Variants in BBS5 observed in about 807,000 individuals in gnomAD.
The protein encoded by BBS5 is Bardet-Biedl syndrome 5, also known as BBSome complex member BBS5.
BBS5 carries 39 observed loss-of-function variants against 50.2 expected under a neutral mutation model. That is an observed-to-expected ratio of 0.78 (90% CI 0.60 to 1.01). The LOEUF is 1.01. Among genes scored for constraint, BBS5 ranks in the 50% least tolerant of loss-of-function variants. The pLI is 0.00. For missense variants in BBS5, 356 were observed against 401.5 expected (o/e 0.89, Z 0.97); for synonymous variants, 134 against 133.1 (o/e 1.01, Z -0.05).
intron 2 of BBS5, among the ~76,000 whole-genome samples, chr2:169,486,803 T>G (rs1683494491): frequency 6.6e-6 from 1 of 152,200 alleles, no homozygotes; most frequent in African/African-American, 2.4e-5. Flanking sequence ...CAATTCTTTC[T>G]TCAGTCAGTT....
chr2:169,493,172 A>G (rs1490034251), intron 6 of BBS5, 163 bp downstream of exon 6: 11 of 784,320 alleles, frequency 1.4e-5, no homozygotes, highest in Admixed American at 1.1e-4. Context: ...TAACATCCCT[A>G]TTTTCTTTCA....
At chr2:169,501,810 T>TTAAA (rs1218949623) in intron 9 of BBS5, among the ~76,000 whole-genome samples, 3 of 152,192 alleles carry the variant, frequency 2.0e-5, no homozygotes, top group Non-Finnish European at 4.4e-5. Flanking sequence ...ATCATGTCCA[T>TTAAA]TAAATGCCTG....
chr2:169,482,463 A>G (rs1342682619), intron 2 of BBS5, 130 bp downstream of exon 2: 26 of 746,074 alleles, frequency 3.5e-5, no homozygotes, highest in Middle Eastern at 2.4e-4. Flanking sequence ...TTAAATTCAC[A>G]TAAGACTTTT....
Position 169,479,559 on chromosome 2 carries a change from G to A in BBS5, c.6G>A (p.Ser2=). 6.2e-7 allele frequency: 1 copy of A among 1,614,194 alleles called. No homozygotes were observed. The highest frequency in any genetic ancestry group is 8.5e-7 in the Non-Finnish European group (1 of 1,180,004). Residue 2 remains serine (S), a synonymous_variant, in exon 1 of 12, where the codon TCG becomes TCA. Coordinates refer to ENST00000295240, the MANE Select transcript of BBS5 (RefSeq NM_152384.3). Reference sequence around the variant, plus strand: ...TGCCACGGGCCTTGTTCACCATGTCGGTGCTGGATGCGCTTTGGGAGGATC... The same window carrying A: ...TGCCACGGGCCTTGTTCACCATGTCAGTGCTGGATGCGCTTTGGGAGGATC... The part of the protein sequence containing the change: M[S]VLDALWEDRD...
rs764174910 is a variant in BBS5, at chr2:169,504,731, A to G, written c.*149A>G. ...TTTTTTAATGATTGAGGAAAAAGTC[A>G]TTTAGAAAACTTCAGTTTTCGGCCA... On this transcript the variant is annotated 3_prime_UTR_variant, in exon 12 of 12. Coordinates refer to ENST00000295240, the MANE Select transcript of BBS5 (RefSeq NM_152384.3). 14 of 1,235,660 alleles carry G rather than the reference A, an allele frequency of 1.1e-5. No individual in the cohort carries two copies. Among genetic ancestry groups the G allele is most frequent in the Non-Finnish European group, 1.6e-5 (14 of 874,280 alleles). The allele number at this position is 1,235,660 out of a possible 1,614,324, so 76.5% of individuals were successfully genotyped here.
chr2:169,489,453 ACT>A lies in BBS5; in HGVS notation c.386+1342_386+1343del, dbSNP rs201664397. Among the ~76,000 whole-genome samples, 1,354 of 147,316 alleles carry A rather than the reference ACT, an allele frequency of 9.2e-3. 26 individuals carry two copies. The highest frequency in any genetic ancestry group is 0.032 in the African/African-American group (1,271 of 39,698). On this transcript the variant is annotated intron_variant, in intron 5 of 11. Coordinates refer to ENST00000295240, the MANE Select transcript of BBS5 (RefSeq NM_152384.3). ...ACTCCAGCCTGGGCAACAGAGCAAG[ACT>A]CTGTCTCAAAAAAAAAAAATTTTTT...
At chr2:169,499,656 G>C (rs1303507869) in intron 9 of BBS5, 36 bp downstream of exon 9, 1 of 1,597,796 alleles carries the variant, frequency 6.3e-7, no homozygotes, top group East Asian at 2.2e-5. Flanking sequence ...AGTTTGCATT[G>C]CTTTATGCAG....
At chr2:169,493,656 G>C in intron 6 of BBS5, 85 bp from the exon 7 acceptor site, 1 of 951,928 alleles carries the variant, frequency 1.1e-6, no homozygotes, top group South Asian at 1.3e-5. Context: ...ATTTGCTGCT[G>C]TAATAAGTTA....
chr2:169,493,816 AG>A lies in BBS5; in HGVS notation c.599del (p.Ser200IlefsTer10). ...HANMNDSFNV[S>X]IPYLQIRSIK... ...AAATATGAATGATAGTTTTAATGTC[AG>A]TATACCATATCTGCAAATTGTAAGT... is the stretch of plus-strand genomic sequence containing the variant. On this transcript the variant is annotated frameshift_variant, in exon 7 of 12. Transcript: ENST00000295240. LOFTEE classifies it high-confidence loss of function. 6.2e-7 allele frequency: 1 copy of A among 1,603,168 alleles called. No homozygotes were observed. The highest frequency in any genetic ancestry group is 8.5e-7 in the Non-Finnish European group (1 of 1,170,316).
In BBS5 at chr2:169,504,300, C is replaced by G; in HGVS notation, c.901-3C>G. ...GTGAAATAGAATTTTCTTTGTCTTA[C>G]AGGCTTATTTTGCTGATGGCAATAA... On this transcript the variant is annotated splice_polypyrimidine_tract_variant and splice_region_variant and intron_variant, in intron 10 of 11. Transcript: ENST00000295240. 1 of 1,612,668 alleles carries G rather than the reference C, an allele frequency of 6.2e-7. No homozygotes were observed. Among genetic ancestry groups the G allele is most frequent in the Non-Finnish European group, 8.5e-7 (1 of 1,178,740 alleles).
intron 7 of BBS5, among the ~76,000 whole-genome samples, chr2:169,494,136 A>G (rs1683652665): frequency 6.6e-6 from 1 of 152,220 alleles, no homozygotes; most frequent in African/African-American, 2.4e-5. Context: ...GATTCCATCC[A>G]GAGGGCTTTA....
intron 9 of BBS5, among the ~76,000 whole-genome samples, chr2:169,502,236 C>T (rs73971622): frequency 0.035 from 5,395 of 152,206 alleles, 327 homozygotes; most frequent in African/African-American, 0.12. Flanking sequence ...ATTCACTGCT[C>T]TAAGCACTTT....
chr2:169,492,658 C>T (rs79027623), intron 5 of BBS5, among the ~76,000 whole-genome samples: 3,729 of 152,212 alleles, frequency 0.024, 158 homozygotes, highest in African/African-American at 0.085. Flanking sequence ...CCAGGAGTAT[C>T]ACTTGAGCCC....
At chr2:169,487,641 ATTAT>A (rs561341167) in intron 3 of BBS5, 161 bp from the exon 4 acceptor site, 15 of 494,332 alleles carry the variant, frequency 3.0e-5, no homozygotes, top group Non-Finnish European at 5.3e-5. Flanking sequence ...AGTTTTTTTA[ATTAT>A]TTAATTTATA....
chr2:169,485,005 T>C (rs1028914162), intron 2 of BBS5, among the ~76,000 whole-genome samples: 1 of 152,066 alleles, frequency 6.6e-6, no homozygotes, highest in Non-Finnish European at 1.5e-5. Flanking sequence ...TCCTAGAGAT[T>C]GTAGGAGATA....
chr2:169,485,610 A>G (rs933479424), intron 2 of BBS5, among the ~76,000 whole-genome samples: 1 of 152,254 alleles, frequency 6.6e-6, no homozygotes, highest in South Asian at 2.1e-4. Context: ...CTAGCATTAA[A>G]GAACTTCTAG....
rs1683861388 is a variant in BBS5, at chr2:169,504,315, G to T, written c.913G>T (p.Asp305Tyr). Residue 305 changes from aspartate (D) to tyrosine (Y), a missense_variant, in exon 11 of 12, where the codon GAT (aspartate) becomes TAT (tyrosine). By Grantham distance (160) the Asp-to-Tyr change is radical (BLOSUM62 -3). Transcript: ENST00000295240. Reference protein sequence around the residue: ...HTDAFVAYFADGNKQQDREPV... With the variant: ...HTDAFVAYFAYGNKQQDREPV... ...CTTTGTCTTACAGGCTTATTTTGCT[G>T]ATGGCAATAAGGTAAGGACATTTAT... is the stretch of plus-strand genomic sequence containing the variant. 1.2e-6 allele frequency: 2 copies of T among 1,613,116 alleles called. No homozygotes were observed. Among genetic ancestry groups the T allele is most frequent in the South Asian group, 1.1e-5 (1 of 91,066 alleles).
In BBS5 at chr2:169,505,635, C is replaced by CT; in HGVS notation, c.*1054dup. Reference sequence around the variant, plus strand: ...ACCCCATTTGGGAGGTGAGGAGCAACTCTGCCCAGCCGCCCCGTCTGAGAA... The same window carrying CT: ...ACCCCATTTGGGAGGTGAGGAGCAACTTCTGCCCAGCCGCCCCGTCTGAGAA... On this transcript the variant is annotated 3_prime_UTR_variant, in exon 12 of 12. Coordinates refer to ENST00000295240, the MANE Select transcript of BBS5 (RefSeq NM_152384.3). The CT allele has an allele frequency of 8.1e-6, 2 of 247,760 alleles. No homozygotes were observed. Among genetic ancestry groups the CT allele is most frequent in the South Asian group, 7.9e-5 (2 of 25,194 alleles). 15.3% of individuals were successfully genotyped at this position (247,760 alleles called of 1,614,324 possible). A position where few individuals can be genotyped will look rare whatever the true frequency, so the allele number is the denominator to read the frequency against.
At chr2:169,493,112 C>T in intron 6 of BBS5, 103 bp downstream of exon 6, 1 of 1,355,586 alleles carries the variant, frequency 7.4e-7, no homozygotes. Flanking sequence ...TTAAAATTAG[C>T]ATTATAGGAA....
Sources: gnomAD v4.1 joint callset for allele counts (sites outside exome capture counted in the v4.1 genomes callset) on GRCh38, gnomAD v4.1.1 for gene constraint, MANE v1.5 for transcripts, NCBI Gene and HGNC (gene_info 2026-07-23, HGNC 2026-07-21) for gene names.